Variants in YTHDC2 observed in about 807,000 individuals in gnomAD.
The protein encoded by YTHDC2 is 3'-5' RNA helicase YTHDC2.
YTHDC2 carries 45 observed loss-of-function variants against 174.9 expected under a neutral mutation model. The ratio of observed to expected loss-of-function variants is 0.26; its 90% confidence interval spans 0.20 to 0.33. The LOEUF is 0.33. YTHDC2 is among the 10% of genes least tolerant of loss of function. The pLI, the probability that YTHDC2 is intolerant of heterozygous loss-of-function variation, is 1.00. For synonymous variants in YTHDC2, 657 were observed against 574.5 expected, an observed-to-expected ratio of 1.14 and a Z score of -2.05; for missense variants, 1,650 against 1,723.7, an observed-to-expected ratio of 0.96 and a Z score of 0.76.
chr5:113,518,910 C>T (rs909643491), intron 2 of YTHDC2, among the ~76,000 whole-genome samples: 1 of 152,074 alleles, frequency 6.6e-6, no homozygotes, highest in Non-Finnish European at 1.5e-5. Context: ...GAGACAGAGT[C>T]TTCCTCTGTT....
intron 16 of YTHDC2, 110 bp downstream of exon 16, chr5:113,554,132 C>T: frequency 2.0e-6 from 2 of 1,013,270 alleles, no homozygotes; most frequent in Non-Finnish European, 2.7e-6. Context: ...TACCTCTACT[C>T]AAGACAGCTT....
intron 2 of YTHDC2, among the ~76,000 whole-genome samples, chr5:113,518,979 T>C (rs1773675214): frequency 6.6e-6 from 1 of 152,020 alleles, no homozygotes; most frequent in Non-Finnish European, 1.5e-5. Context: ...ACGCCTAGGC[T>C]CAGGCTTTCC....
Position 113,592,329 on chromosome 5 carries a change from A to G in YTHDC2, c.4212+151A>G. On this transcript the variant is annotated intron_variant, in intron 28 of 29. Transcript: ENST00000161863. ...GGTTCAGGTTTGTAAAAAGATAGTA[A>G]AAACCTACTTGTAAATGTGTCTGAT... The G allele has an allele frequency of 1.9e-5, 13 of 679,882 alleles. No individual in the cohort carries two copies. The Middle Eastern group carries it at 2.7e-3, about 141-fold the overall frequency. The allele number at this position is 679,882 out of a possible 1,614,324, so 42.1% of individuals were successfully genotyped here. A position where few individuals can be genotyped will look rare whatever the true frequency, so the allele number is the denominator to read the frequency against.
At chr5:113,548,726 T>C (rs1776053258) in intron 11 of YTHDC2, 59 bp downstream of exon 11, 1 of 1,493,036 alleles carries the variant, frequency 6.7e-7, no homozygotes, top group Non-Finnish European at 8.9e-7. Flanking sequence ...ATATCTTTTT[T>C]TGTTTTCTTA....
At chr5:113,557,526 G>A (rs1299391338) in intron 17 of YTHDC2, among the ~76,000 whole-genome samples, 1 of 152,158 alleles carries the variant, frequency 6.6e-6, no homozygotes, top group Non-Finnish European at 1.5e-5. Context: ...GGGTGTAGTG[G>A]CTTATGCTTG....
At chr5:113,550,726 T>TA in intron 12 of YTHDC2, among the ~76,000 whole-genome samples, 1 of 152,182 alleles carries the variant, frequency 6.6e-6, no homozygotes, top group Non-Finnish European at 1.5e-5. Flanking sequence ...GAGTTTTTGT[T>TA]ATAACTTCTA....
intron 10 of YTHDC2, among the ~76,000 whole-genome samples, chr5:113,543,954 A>T (rs1775661787): frequency 6.6e-6 from 1 of 151,942 alleles, no homozygotes. Flanking sequence ...TTCTCACGAT[A>T]TTTCCTTACT....
intron 4 of YTHDC2, among the ~76,000 whole-genome samples, chr5:113,528,797 C>A (rs1027237445): frequency 6.6e-6 from 1 of 152,188 alleles, no homozygotes. Context: ...GCATAAGCCA[C>A]CATGCCTGGC....
Position 113,561,957 on chromosome 5 carries a change from G to GGTGGGTGGGT in YTHDC2, c.2322+775_2322+776insGGTGGGTGTG, listed in dbSNP as rs1347716150. ...GATTTTCTGACCTCTATTAATTGTG[G>GGTGGGTGGGT]GTGTGTGTGTGTGTGTGTGTGTGTG... On this transcript the variant is annotated intron_variant, in intron 18 of 29. Coordinates refer to ENST00000161863, the MANE Select transcript of YTHDC2 (RefSeq NM_022828.5). Among the ~76,000 whole-genome samples, 915 of 134,944 alleles carry GGTGGGTGGGT rather than the reference G, an allele frequency of 6.8e-3. 2 individuals carry two copies. Among genetic ancestry groups the GGTGGGTGGGT allele is most frequent in the Middle Eastern group, 0.012 (3 of 244 alleles). 88.5% of individuals were successfully genotyped at this position (134,944 alleles called of 152,430 possible).
chr5:113,545,692 C>T (rs1440126210), intron 10 of YTHDC2, among the ~76,000 whole-genome samples: 1 of 151,346 alleles, frequency 6.6e-6, no homozygotes, highest in Non-Finnish European at 1.5e-5. Context: ...TGTGCTGGGC[C>T]CTCATTATTG....
intron 10 of YTHDC2, among the ~76,000 whole-genome samples, chr5:113,547,111 C>A (rs1339642225): frequency 2.0e-5 from 3 of 152,172 alleles, no homozygotes; most frequent in Non-Finnish European, 4.4e-5. Flanking sequence ...GGGAATTAGG[C>A]TCCACCTCTT....
intron 3 of YTHDC2, 141 bp downstream of exon 3, chr5:113,525,318 A>C: frequency 1.2e-6 from 1 of 818,070 alleles, no homozygotes. Context: ...TAAGAGTTGT[A>C]AAAATTTGAA....
chr5:113,522,473 T>C (rs921232905), intron 2 of YTHDC2, among the ~76,000 whole-genome samples: 10 of 152,176 alleles, frequency 6.6e-5, no homozygotes, highest in Non-Finnish European at 1.0e-4. Flanking sequence ...TGCTCTCAAC[T>C]GTAATTTTAT....
At chr5:113,569,652 G>A (rs967708274) in intron 23 of YTHDC2, among the ~76,000 whole-genome samples, 5 of 152,152 alleles carry the variant, frequency 3.3e-5, no homozygotes, top group African/African-American at 1.2e-4. Context: ...TCAGACGGTT[G>A]TAAGTGTGTG....
rs1779117999 is a variant in YTHDC2, at chr5:113,593,588, T to C, written c.*114T>C. On this transcript the variant is annotated 3_prime_UTR_variant, in exon 30 of 30. Transcript: ENST00000161863. ...TTACGAATGGGCTTTTTAACACTTT[T>C]AGAGTGTTGCTTTAGAACTACCATC... The C allele has an allele frequency of 4.7e-6, 2 of 423,590 alleles. No homozygotes were observed. Among genetic ancestry groups the C allele is most frequent in the Non-Finnish European group, 4.3e-6 (1 of 234,178 alleles). 26.2% of individuals were successfully genotyped at this position (423,590 alleles called of 1,614,324 possible).
rs1470205617 is a variant in YTHDC2 at position 113,533,033 on chromosome 5, G to T, written c.830G>T (p.Arg277Leu). 3 of 1,613,930 alleles carry T rather than the reference G, an allele frequency of 1.9e-6. No individual in the cohort carries two copies. The highest frequency in any genetic ancestry group is 2.5e-6 in the Non-Finnish European group (3 of 1,179,998). The change falls in exon 5 of 30, where the codon CGA becomes CTA. Residue 277 changes from arginine to leucine, a missense_variant. Around this residue, in one of 5 missense-constraint regions of YTHDC2, gnomAD observed 5 missense variants for 24.1 expected, o/e 0.21. Transcript: ENST00000161863. ...GGTCAAACAATTGGTTATCAGATCC[G>T]ATTAGAAAGCAGGTAAAAACAGTTC... ...RIGQTIGYQI[R>L]LESRVSPKTL...
chr5:113,524,851 C>A (rs1774106847), intron 2 of YTHDC2, 130 bp from the exon 3 acceptor site: 6 of 678,054 alleles, frequency 8.8e-6, no homozygotes. Context: ...TTTGGACTTT[C>A]AGCATCTTCT....
chr5:113,591,683 T>C (rs1779012548), intron 27 of YTHDC2, among the ~76,000 whole-genome samples: 1 of 152,112 alleles, frequency 6.6e-6, no homozygotes, highest in African/African-American at 2.4e-5. Flanking sequence ...TTATAATTTT[T>C]GGAAATGAAA....
chr5:113,567,690 G>C lies in YTHDC2; in HGVS notation c.3085G>C (p.Ala1029Pro). ...CAATGGTCAAGCTGCAGCAATTAAG[G>C]CACTGCCCACAGATTGGCTTATTTA... ...PANGQAAAIKALPTDWLIYDE... is the reference protein window; with the variant it reads ...PANGQAAAIKPLPTDWLIYDE... Residue 1029 changes from alanine to proline, a missense_variant, in exon 23 of 30, where the codon GCA becomes CCA. This residue lies in a region of YTHDC2 where 913 missense variants were observed against 940.4 expected (regional missense o/e 0.97). Transcript: ENST00000161863. 6.2e-7 allele frequency: 1 copy of C among 1,605,126 alleles called. No individual in the cohort carries two copies. Among genetic ancestry groups the C allele is most frequent in the Non-Finnish European group, 8.5e-7 (1 of 1,176,646 alleles).
Sources: allele counts gnomAD v4.1 joint callset (sites outside exome capture counted in the v4.1 genomes callset), GRCh38; gene constraint gnomAD v4.1.1; regional missense constraint gnomAD v4.1.1; transcripts MANE v1.5; gene names NCBI Gene and HGNC (gene_info 2026-07-23, HGNC 2026-07-21).